SAMD7: variants seen among roughly 807,000 people sequenced by gnomAD.
SAMD7 encodes the protein sterile alpha motif domain containing 7.
A neutral mutation model predicts 36.7 loss-of-function variants in SAMD7; 34 were observed. The ratio of observed to expected loss-of-function variants is 0.93; its 90% CI spans 0.71 to 1.23. SAMD7 has a LOEUF of 1.23. Among genes scored for constraint, SAMD7 ranks in the 50% most tolerant of loss-of-function variants. The probability of loss-of-function intolerance (pLI) is 0.00; values close to 1 mark genes in which losing one functional copy is unlikely to be tolerated. For missense variants in SAMD7, 570 were observed against 546.6 expected, an observed-to-expected ratio of 1.04 and a Z score of -0.43; for synonymous variants, 188 against 189.7, an observed-to-expected ratio of 0.99 and a Z score of 0.07.
chr3:169,919,042 A>G (rs1025701098), intron 2 of SAMD7, among the ~76,000 whole-genome samples: 7 of 152,146 alleles, frequency 4.6e-5, no homozygotes, highest in Admixed American at 1.3e-4. Context: ...GCTACTCTGG[A>G]GGCTGAGGCA....
At chr3:169,915,733 A>T (rs1423446798) in intron 2 of SAMD7, among the ~76,000 whole-genome samples, 1 of 151,078 alleles carries the variant, frequency 6.6e-6, no homozygotes, top group Non-Finnish European at 1.5e-5. Flanking sequence ...TACAGGCGCC[A>T]CACCCGGCTA....
intron 5 of SAMD7, chr3:169,926,288 AG>A: frequency 7.2e-7 from 1 of 1,389,008 alleles, no homozygotes; most frequent in Admixed American, 2.3e-5. Context: ...GTGCTGCGTA[AG>A]CCCCATCCCT....
rs954641767 is a variant in SAMD7, at chr3:169,933,010, A to G, written c.1042-3329A>G. ...CCCCTCTATCAGTGTGGCATCACTC[A>G]GGTGTCTACCTGGAACAGACGGAAC... On this transcript the variant is annotated intron_variant, in intron 7 of 8. Coordinates refer to ENST00000335556, the MANE Select transcript of SAMD7 (RefSeq NM_001304366.2). The G allele has an allele frequency of 4.0e-6, 3 of 750,756 alleles. No individual in the cohort carries two copies. In the African/African-American group the frequency reaches 5.2e-5, roughly 13 times the overall value. The allele number at this position is 750,756 out of a possible 1,614,324, so 46.5% of individuals were successfully genotyped here.
chr3:169,927,285 C>CTTTTTTTTTTTTTTTT (rs71634451), intron 6 of SAMD7, 104 bp downstream of exon 6: 1 of 137,276 alleles, frequency 7.3e-6, no homozygotes, highest in Non-Finnish European at 1.3e-5. Flanking sequence ...TTTTATCTTT[C>CTTTTTTTTTTTTTTTT]TTTTTTTTTT....
chr3:169,931,150 C>T (rs1316237681), intron 7 of SAMD7, among the ~76,000 whole-genome samples: 1 of 152,144 alleles, frequency 6.6e-6, no homozygotes, highest in Non-Finnish European at 1.5e-5. Flanking sequence ...TTCAGGAGAG[C>T]CTGCAACATA....
chr3:169,934,729 T>C lies in SAMD7; in HGVS notation c.1042-1610T>C, dbSNP rs575457903. ...CACGATTTAGCTTCTGAGTTAAAGATACATGTTAGGGAGCCTTCAGCATAT... is the reference window on the plus strand; with the variant it reads ...CACGATTTAGCTTCTGAGTTAAAGACACATGTTAGGGAGCCTTCAGCATAT... On this transcript the variant is annotated intron_variant, in intron 7 of 8. Transcript: ENST00000335556. Among the ~76,000 whole-genome samples the C allele has an allele frequency of 2.6e-5, 4 of 152,320 alleles. No individual in the cohort carries two copies. In the East Asian group the frequency reaches 7.7e-4, roughly 29 times the overall value.
At chr3:169,924,514 G>A (rs1211191040) in intron 4 of SAMD7, among the ~76,000 whole-genome samples, 1 of 152,116 alleles carries the variant, frequency 6.6e-6, no homozygotes, top group East Asian at 1.9e-4. Flanking sequence ...TTGAACCTGG[G>A]AGGTAGAGGT....
At chr3:169,913,991 G>C (rs921058973) in intron 1 of SAMD7, among the ~76,000 whole-genome samples, 1 of 152,076 alleles carries the variant, frequency 6.6e-6, no homozygotes, top group Non-Finnish European at 1.5e-5. Flanking sequence ...AAGCAAATAG[G>C]GCAGTGCAAC....
At chr3:169,917,363 T>A (rs1712850481) in intron 2 of SAMD7, among the ~76,000 whole-genome samples, 3 of 152,162 alleles carry the variant, frequency 2.0e-5, no homozygotes, top group Admixed American at 2.0e-4. Flanking sequence ...TCCTAGTATC[T>A]TTTTCTTTAA....
chr3:169,927,170 C>G lies in SAMD7; in HGVS notation c.908C>G (p.Pro303Arg). ...KNGVCPPVPR[P>R]SLPGTHALVT... ...GGGGTTTGCCCTCCAGTTCCTCGAC[C>G]ATCTCTGCCAGGTGGGTGTCCAGGG... The change falls in exon 6 of 9, where the codon CCA (proline) becomes CGA (arginine). Residue 303 changes from proline (P) to arginine (R), a missense_variant. Transcript: ENST00000335556. 6.5e-7 allele frequency: 1 copy of G among 1,527,018 alleles called. No individual in the cohort carries two copies. The highest frequency in any genetic ancestry group is 1.3e-5 in the South Asian group (1 of 74,972). 94.6% of individuals were successfully genotyped at this position (1,527,018 alleles called of 1,614,324 possible). A position where few individuals can be genotyped will look rare whatever the true frequency, so the allele number is the denominator to read the frequency against.
In SAMD7 at chr3:169,911,611, A is replaced by C. The variant is rs1361516293; in HGVS notation, c.-327A>C. The C allele has an allele frequency of 6.6e-6, 1 of 152,230 alleles. No homozygotes were observed. The highest frequency in any genetic ancestry group is 2.1e-4 in the South Asian group (1 of 4,832). The allele number at this position is 152,230 out of a possible 1,614,324, so 9.4% of individuals were successfully genotyped here. A position where few individuals can be genotyped will look rare whatever the true frequency, so the allele number is the denominator to read the frequency against. ...TTAGCCTATCTGTAGAGGATATCAG[A>C]GGGCAAAGTTTCTGTCATGAAATAG... On this transcript the variant is annotated 5_prime_UTR_variant, in exon 1 of 9. Transcript: ENST00000335556.
chr3:169,915,740 G>A (rs569401174), intron 2 of SAMD7, among the ~76,000 whole-genome samples: 70 of 151,292 alleles, frequency 4.6e-4, no homozygotes, highest in Admixed American at 1.6e-3. Flanking sequence ...GCCACACCCG[G>A]CTAATTTTTG....
chr3:169,916,170 A>G (rs4955695), intron 2 of SAMD7, among the ~76,000 whole-genome samples: 60,757 of 152,086 alleles, frequency 0.4, 13,328 homozygotes, highest in East Asian at 0.55. Context: ...AACCAGTCAC[A>G]GCAGGACAAA....
rs146139561 is a variant in SAMD7 at position 169,928,196 on chromosome 3, A to T, written c.920-261A>T. ...ATCTGGAGAATAGAATCCATGGGGC[A>T]TTTCTGTTGTAATCTGAGAGAAGCT... On this transcript the variant is annotated intron_variant, in intron 6 of 8. Transcript: ENST00000335556. Among the ~76,000 whole-genome samples, 828 of 152,308 alleles carry T rather than the reference A, an allele frequency of 5.4e-3. 5 individuals carry two copies. Among genetic ancestry groups the T allele is most frequent in the African/African-American group, 0.019 (789 of 41,562 alleles).
chr3:169,938,271 GA>G (rs1343253795), intron 8 of SAMD7, 46 bp from the exon 9 acceptor site: 15 of 1,351,150 alleles, frequency 1.1e-5, no homozygotes, highest in Non-Finnish European at 1.6e-5. Flanking sequence ...CTGAGTTAAT[GA>G]AAAAAATTCA....
chr3:169,927,222 A>G, intron 6 of SAMD7, 41 bp downstream of exon 6: 3 of 1,474,560 alleles, frequency 2.0e-6, no homozygotes, highest in Non-Finnish European at 2.7e-6. Flanking sequence ...CATTAACTAC[A>G]GGTTGCCAAG....
intron 2 of SAMD7, among the ~76,000 whole-genome samples, chr3:169,917,645 A>T (rs576777729): frequency 1.3e-5 from 2 of 151,164 alleles, no homozygotes; most frequent in Non-Finnish European, 3.0e-5. Flanking sequence ...TTATTTATTT[A>T]TTTATTTATT....
Position 169,921,249 on chromosome 3 carries a change from C to G in SAMD7, c.122C>G (p.Pro41Arg). 6.2e-7 allele frequency: 1 copy of G among 1,613,648 alleles called. No homozygotes were observed. The highest frequency in any genetic ancestry group is 8.5e-7 in the Non-Finnish European group (1 of 1,179,586). Reference sequence around the variant, plus strand: ...CCTTCCACCGTAGCTCCAACTGACCCAAGACAGTTTTGCGTTCCTTCCCAA... The same window carrying G: ...CCTTCCACCGTAGCTCCAACTGACCGAAGACAGTTTTGCGTTCCTTCCCAA... ...VLPSTVAPTDPRQFCVPSQFG... is the reference protein window; with the variant it reads ...VLPSTVAPTDRRQFCVPSQFG... Residue 41 changes from proline to arginine, a missense_variant, in exon 4 of 9, where the codon CCA becomes CGA. Coordinates refer to ENST00000335556, the MANE Select transcript of SAMD7 (RefSeq NM_001304366.2).
In SAMD7 at chr3:169,925,060, T is replaced by C; in HGVS notation, c.214T>C (p.Trp72Arg). ...NVLSSRIYPG[W>R]GILPPESIKA... is the part of the protein sequence containing the mutation. Reference sequence around the variant, plus strand: ...GGATGGTGGTTTTCTTTTTTAAGGTTGGGGCATTTTACCACCTGAATCCAT... The same window carrying C: ...GGATGGTGGTTTTCTTTTTTAAGGTCGGGGCATTTTACCACCTGAATCCAT... Residue 72 changes from tryptophan (W) to arginine (R), a missense_variant and splice_region_variant, in exon 5 of 9, where the codon TGG becomes CGG. Transcript: ENST00000335556. The C allele has an allele frequency of 6.2e-7, 1 of 1,603,612 alleles. No homozygotes were observed. Among genetic ancestry groups the C allele is most frequent in the South Asian group, 1.1e-5 (1 of 88,732 alleles).
Sources: gnomAD v4.1 joint callset for allele counts (sites outside exome capture counted in the v4.1 genomes callset) on GRCh38, gnomAD v4.1.1 for gene constraint, MANE v1.5 for transcripts, NCBI Gene and HGNC (gene_info 2026-07-23, HGNC 2026-07-21) for gene names.